Variants in DPP6 observed in about 807,000 individuals in gnomAD.
DPP6 encodes the protein dipeptidyl peptidase like 6, also known as A-type potassium channel modulatory protein DPP6.
In DPP6, 69 loss-of-function variants were observed where a neutral mutation model predicts 122.6. The ratio of observed to expected loss-of-function variants is 0.56; its 90% CI spans 0.46 to 0.69. The LOEUF (loss-of-function observed/expected upper bound fraction) is 0.69. Among genes scored for constraint, DPP6 ranks in the 30% least tolerant of loss-of-function variants. DPP6 has a pLI of 0.00. For synonymous variants in DPP6, 418 were observed against 433.1 expected (o/e 0.97, Z 0.43); for missense variants, 928 against 1,116.9 (o/e 0.83, Z 2.41).
At position 154,719,178 on chromosome 7, in the gene DPP6, C is replaced by T. The variant is rs115745094; in HGVS notation, c.763-8589C>T. On this transcript the variant is annotated intron_variant, in intron 7 of 25. Coordinates refer to ENST00000377770, the MANE Select transcript of DPP6 (RefSeq NM_130797.4). ...AACTCGAGTACAGAGGCTACTGTGG[C>T]GGCGTGTTTGGGTGATTGATGGGCT... Among the ~76,000 whole-genome samples, 1,180 of 152,174 alleles carry T rather than the reference C, an allele frequency of 7.8e-3. 16 individuals are homozygous for T. Among genetic ancestry groups the T allele is most frequent in the African/African-American group, 0.027 (1,116 of 41,520 alleles).
chr7:154,083,142 C>A (rs1033629485), intron 1 of DPP6, among the ~76,000 whole-genome samples: 1 of 152,000 alleles, frequency 6.6e-6, no homozygotes, highest in Non-Finnish European at 1.5e-5. Flanking sequence ...AGCCACCGTG[C>A]CTGGCCTGTG....
intron 1 of DPP6, among the ~76,000 whole-genome samples, chr7:154,347,880 T>C (rs995069299): frequency 1.3e-5 from 2 of 152,230 alleles, no homozygotes; most frequent in African/African-American, 4.8e-5. Flanking sequence ...GCCCTGCCAA[T>C]GAATCCTGGC....
At chr7:154,087,123 T>G (rs1414094546) in intron 1 of DPP6, among the ~76,000 whole-genome samples, 1 of 151,486 alleles carries the variant, frequency 6.6e-6, no homozygotes, top group African/African-American at 2.4e-5. Context: ...CTCACTAGTT[T>G]GGAACAGAAG....
In DPP6 at chr7:154,313,754, C is replaced by T. The variant is rs912654868; in HGVS notation, c.244-132460C>T. Among the ~76,000 whole-genome samples the T allele has an allele frequency of 1.5e-5, 2 of 130,042 alleles. 1 individual carries two copies. The highest frequency in any genetic ancestry group is 5.8e-5 in the African/African-American group (2 of 34,252). The allele number at this position is 130,042 out of a possible 152,430, so 85.3% of individuals were successfully genotyped here. A position where few individuals can be genotyped will look rare whatever the true frequency, so the allele number is the denominator to read the frequency against. ...GCACACACACACACACACACACACC[C>T]TTACATATATATGTAGTACTTCCTG... On this transcript the variant is annotated intron_variant, in intron 1 of 25. Transcript: ENST00000377770.
intron 1 of DPP6, among the ~76,000 whole-genome samples, chr7:154,395,312 G>A (rs376119145): frequency 6.6e-6 from 1 of 152,040 alleles, no homozygotes; most frequent in Non-Finnish European, 1.5e-5. Flanking sequence ...ACAAATTTTG[G>A]GGGGAAACAA....
At chr7:154,144,304 T>C (rs1309238818) in intron 1 of DPP6, among the ~76,000 whole-genome samples, 1 of 150,076 alleles carries the variant, frequency 6.7e-6, no homozygotes, top group Non-Finnish European at 1.5e-5. Context: ...CTACATCTCT[T>C]TCTTTTCTGT....
At chr7:153,763,016 C>T in the DPP6 span, among the ~76,000 whole-genome samples, 29 of 152,050 alleles carry the variant, frequency 1.9e-4, no homozygotes, top group African/African-American at 6.5e-4. Flanking sequence ...GACTGACAGC[C>T]GTGCATGGTC....
At chr7:153,986,068 A>G (rs1585133351) in intron 1 of DPP6, among the ~76,000 whole-genome samples, 1 of 152,312 alleles carries the variant, frequency 6.6e-6, no homozygotes, top group Admixed American at 6.5e-5. Context: ...TCAGGGTCGT[A>G]TGGCTGTAGA....
chr7:154,633,093 C>A (rs947735995), intron 5 of DPP6, among the ~76,000 whole-genome samples: 3 of 152,196 alleles, frequency 2.0e-5, no homozygotes, highest in African/African-American at 7.2e-5. Context: ...TAGGATGAGA[C>A]TAAAATAACT....
At chr7:154,437,488 G>A (rs2151271116) in intron 1 of DPP6, among the ~76,000 whole-genome samples, 1 of 152,262 alleles carries the variant, frequency 6.6e-6, no homozygotes, top group East Asian at 1.9e-4. Flanking sequence ...TACAAGGCTG[G>A]TGGATGATGA....
intron 7 of DPP6, among the ~76,000 whole-genome samples, chr7:154,704,567 A>G (rs1423945888): frequency 1.3e-5 from 2 of 152,254 alleles, no homozygotes; most frequent in Non-Finnish European, 2.9e-5. Context: ...AGAAATTACC[A>G]GTTATCCCAA....
intron 1 of DPP6, among the ~76,000 whole-genome samples, chr7:154,149,842 C>T (rs1160283558): frequency 6.6e-6 from 1 of 152,116 alleles, no homozygotes; most frequent in Admixed American, 6.5e-5. Context: ...CCGTGGTACC[C>T]CCCGCTCCAG....
intron 7 of DPP6, among the ~76,000 whole-genome samples, chr7:154,678,939 T>A (rs1219684761): frequency 1.3e-5 from 2 of 152,194 alleles, no homozygotes; most frequent in African/African-American, 4.8e-5. Flanking sequence ...CTTGTGTAAA[T>A]AACGTTCTCA....
At position 154,282,967 on chromosome 7, in the gene DPP6, C is replaced by T. The variant is rs1804621771; in HGVS notation, c.244-163247C>T. Among the ~76,000 whole-genome samples the T allele has an allele frequency of 6.6e-6, 1 of 152,130 alleles. No individual in the cohort carries two copies. Among genetic ancestry groups the T allele is most frequent in the African/African-American group, 2.4e-5 (1 of 41,422 alleles). Reference sequence around the variant, plus strand: ...CTCTGGACTCAAGGGCATCAGACATCAGAACACGTCTCTCTCTGGACTCAG... The same window carrying T: ...CTCTGGACTCAAGGGCATCAGACATTAGAACACGTCTCTCTCTGGACTCAG... On this transcript the variant is annotated intron_variant, in intron 1 of 25. Transcript: ENST00000377770. This position sits in a 1 kb window ranked among gnomAD's most constrained non-coding sequence, Gnocchi z 4.8.
rs71309604 is a variant in DPP6, at chr7:154,111,620, CGTGTGTGTGTGTGTGT to C, written c.243+58580_243+58595del. On this transcript the variant is annotated intron_variant, in intron 1 of 25. Transcript: ENST00000377770. ...ATAAAAATGAAAACAGGCAGGGTTTCGTGTGTGTGTGTGTGTGTGTGTGTGTGTGTGTGTGTGTTGC... is the reference window on the plus strand; with the variant it reads ...ATAAAAATGAAAACAGGCAGGGTTTCGTGTGTGTGTGTGTGTGTGTGTTGC... 8.3e-3 allele frequency among the ~76,000 whole-genome samples: 1,114 copies of C among 135,002 alleles called. 16 individuals are homozygous for C. Among genetic ancestry groups the C allele is most frequent in the African/African-American group, 0.029 (1,056 of 36,492 alleles). 88.6% of individuals were successfully genotyped at this position (135,002 alleles called of 152,430 possible). A position where few individuals can be genotyped will look rare whatever the true frequency, so the allele number is the denominator to read the frequency against.
chr7:154,885,844 G>T (rs1584989516), intron 22 of DPP6, 100 bp downstream of exon 22: 1 of 1,466,078 alleles, frequency 6.8e-7, no homozygotes, highest in Non-Finnish European at 9.1e-7. Context: ...CCACCGTCCC[G>T]CTAACCACAG....
At chr7:154,701,004 A>G (rs558995588) in intron 7 of DPP6, among the ~76,000 whole-genome samples, 10 of 152,074 alleles carry the variant, frequency 6.6e-5, no homozygotes. Context: ...TGCCATCACC[A>G]TCACTCATCC....
At position 154,032,116 on chromosome 7, in the gene DPP6, C is replaced by T. The variant is rs534002043; in HGVS notation, c.51+144382C>T. Among the ~76,000 whole-genome samples the T allele has an allele frequency of 5.3e-5, 8 of 151,822 alleles. No homozygotes were observed. The East Asian group carries it at 5.8e-4, about 11-fold the overall frequency. Reference sequence around the variant, plus strand: ...GTCTCGATCTCCTGACCTTGTGATCCTCCCGCCTCAGCCTCCCAAAGTGCT... The same window carrying T: ...GTCTCGATCTCCTGACCTTGTGATCTTCCCGCCTCAGCCTCCCAAAGTGCT... On this transcript the variant is annotated intron_variant, in intron 1 of 25. Coordinates refer to the DPP6 transcript ENST00000404039.
chr7:154,853,337 A>G (rs2150577940), intron 16 of DPP6, among the ~76,000 whole-genome samples: 1 of 152,334 alleles, frequency 6.6e-6, no homozygotes. Flanking sequence ...CGTTTTTACA[A>G]GGTGTTATGA....
Sources: gnomAD v4.1 joint callset for allele counts (sites outside exome capture counted in the v4.1 genomes callset) on GRCh38, gnomAD v4.1.1 for gene constraint, Gnocchi (gnomAD v3.1) non-coding constraint, MANE v1.5 for transcripts, NCBI Gene and HGNC (gene_info 2026-07-23, HGNC 2026-07-21) for gene names.